DNASE1: variants seen among roughly 807,000 people sequenced by gnomAD.
DNASE1 encodes deoxyribonuclease-1.
Under a neutral mutation model 33.9 loss-of-function variants are expected in DNASE1, and 40 were observed. The ratio of observed to expected loss-of-function variants is 1.18; its 90% CI spans 0.92 to 1.54. DNASE1 has a LOEUF of 1.54. DNASE1 is among the 40% of genes most tolerant of loss of function. DNASE1 has a pLI of 0.00. For synonymous variants in DNASE1, 216 were observed against 160.0 expected, an observed-to-expected ratio of 1.35 and a Z score of -2.64; for missense variants, 518 against 372.6, an observed-to-expected ratio of 1.39 and a Z score of -3.21.
chr16:3,637,941 G>C (rs1040129630), upstream of DNASE1, among the ~76,000 whole-genome samples: 1 of 152,206 alleles, frequency 6.6e-6, no homozygotes, highest in African/African-American at 2.4e-5. Context: ...CTCTGATGCA[G>C]CTAAAAGGGG....
chr16:3,627,208 A>C (rs891723387), intron 1 of DNASE1, among the ~76,000 whole-genome samples: 1 of 151,120 alleles, frequency 6.6e-6, no homozygotes, highest in Non-Finnish European at 1.5e-5. Context: ...TATGAAGTCT[A>C]CTTTGCTTGT....
downstream of DNASE1, chr16:3,658,840 G>C: frequency 5.6e-6 from 9 of 1,614,040 alleles, no homozygotes; most frequent in Non-Finnish European, 7.6e-6. Context: ...GCGCGCAGCT[G>C]ATTCAGCTTC....
chr16:3,661,801 G>GT, downstream of DNASE1: 2 of 660,928 alleles, frequency 3.0e-6, no homozygotes, highest in Non-Finnish European at 4.5e-6. Flanking sequence ...CCTGGGGATG[G>GT]TAAGGGGCTG....
intron 1 of DNASE1, 80 bp downstream of exon 1, chr16:3,655,124 G>A: frequency 1.7e-6 from 1 of 601,844 alleles, no homozygotes. Context: ...TCCTCCAGCA[G>A]CGAGTGAGGC....
At position 3,657,361 on chromosome 16, in the gene DNASE1, T is replaced by TA. The variant is rs1273643075; in HGVS notation, c.704+21dup. 3 of 1,610,014 alleles carry TA rather than the reference T, an allele frequency of 1.9e-6. No individual in the cohort carries two copies. Among genetic ancestry groups the TA allele is most frequent in the Non-Finnish European group, 2.5e-6 (3 of 1,179,462 alleles). On this transcript the variant is annotated intron_variant, in intron 7 of 8. Transcript: ENST00000246949. ...TGACAGGTGAGCAGGGCCTCGCGCT[T>TA]AGGGCAGACTGAGGGCACCTCCAAG...
At chr16:3,665,358 A>G (rs1425853379) in exon 10 of DNASE1, 1 of 152,628 alleles carries the variant, frequency 6.6e-6, no homozygotes, top group Non-Finnish European at 1.5e-5. Context: ...CAGCCACACC[A>G]CACTGTGAAT....
intron 1 of DNASE1, among the ~76,000 whole-genome samples, chr16:3,637,255 C>G (rs1773696711): frequency 6.6e-6 from 1 of 152,138 alleles, no homozygotes; most frequent in East Asian, 1.9e-4. Context: ...CTAAAATTTC[C>G]TCCTGGGTCT....
chr16:3,630,524 T>G (rs2041664835), intron 1 of DNASE1, among the ~76,000 whole-genome samples: 1 of 152,216 alleles, frequency 6.6e-6, no homozygotes, highest in Non-Finnish European at 1.5e-5. Context: ...TATATTTTGA[T>G]GGTCTGTTAT....
upstream of DNASE1, among the ~76,000 whole-genome samples, chr16:3,639,174 T>G (rs557528343): frequency 6.6e-6 from 1 of 152,356 alleles, no homozygotes; most frequent in East Asian, 1.9e-4. Flanking sequence ...CACCCTTCAT[T>G]GCCACTTGTG....
chr16:3,651,721 C>T (rs770590511), upstream of DNASE1: 3 of 152,734 alleles, frequency 2.0e-5, no homozygotes, highest in African/African-American at 7.2e-5. Flanking sequence ...AGCCCAGCCC[C>T]AGGACGAGGC....
At chr16:3,654,472 T>C (rs1235882412), upstream of DNASE1, 1 of 398,502 alleles carries the variant, frequency 2.5e-6, no homozygotes, top group East Asian at 3.6e-5. Flanking sequence ...CATTTGCAAC[T>C]TTGGATGTGG....
upstream of DNASE1, chr16:3,641,156 G>A (rs974189603): frequency 4.3e-5 from 17 of 391,272 alleles, no homozygotes; most frequent in African/African-American, 2.9e-4. Flanking sequence ...GCAGCTCCAC[G>A]CTGTGGGGGG....
At chr16:3,633,908 A>G (rs1336696157) in intron 1 of DNASE1, among the ~76,000 whole-genome samples, 1 of 151,336 alleles carries the variant, frequency 6.6e-6, no homozygotes, top group East Asian at 2.0e-4. Flanking sequence ...TTCCGGATTC[A>G]CACCATTCTC....
chr16:3,658,944 G>C (rs2042896171), downstream of DNASE1: 3 of 1,435,726 alleles, frequency 2.1e-6, no homozygotes, highest in African/African-American at 2.8e-5. Flanking sequence ...GGATTATCAG[G>C]ATATTTAAAG....
At chr16:3,659,133 G>GTGA, downstream of DNASE1, 1 of 373,622 alleles carries the variant, frequency 2.7e-6, no homozygotes. Context: ...AGCTTAGTAC[G>GTGA]TGAAGACATG....
intron 1 of DNASE1, among the ~76,000 whole-genome samples, chr16:3,628,040 ATATCT>A (rs1298780620): frequency 6.6e-6 from 1 of 151,798 alleles, no homozygotes; most frequent in Non-Finnish European, 1.5e-5. Context: ...CAATATTAAG[ATATCT>A]TGTCTTAACA....
chr16:3,661,651 T>C (rs1014806515), downstream of DNASE1: 5 of 267,278 alleles, frequency 1.9e-5, no homozygotes, highest in South Asian at 8.2e-4. Context: ...AACGTGAGAC[T>C]TCAGCAAACA....
intron 1 of DNASE1, among the ~76,000 whole-genome samples, chr16:3,630,288 C>G (rs2041657035): frequency 6.6e-6 from 1 of 151,900 alleles, no homozygotes. Context: ...TCAAAACGAT[C>G]TTCCCACCTT....
intron 1 of DNASE1, among the ~76,000 whole-genome samples, chr16:3,628,916 A>G (rs1473734693): frequency 2.7e-5 from 4 of 146,448 alleles, no homozygotes; most frequent in African/African-American, 1.0e-4. Context: ...TCACGCCGGT[A>G]ATCCCAGCAC....
Sources: allele counts gnomAD v4.1 joint callset (sites outside exome capture counted in the v4.1 genomes callset), GRCh38; gene constraint gnomAD v4.1.1; transcripts MANE v1.5; gene names NCBI Gene and HGNC (gene_info 2026-07-23, HGNC 2026-07-21).